Variants in ZBTB40 observed in about 807,000 individuals in gnomAD.
ZBTB40 encodes zinc finger and BTB domain containing 40, also known as zinc finger and BTB domain-containing protein 40.
Under a neutral mutation model 117.5 loss-of-function variants are expected in ZBTB40, and 60 were observed. The ratio of observed to expected loss-of-function variants is 0.51; its 90% confidence interval spans 0.41 to 0.63. ZBTB40 has a LOEUF of 0.63. Ranked by LOEUF, ZBTB40 falls within the 30% of genes least tolerant of loss-of-function variation. ZBTB40 has a pLI of 0.00. For missense variants in ZBTB40, 1,287 were observed against 1,498.5 expected, an observed-to-expected ratio of 0.86 and a Z score of 2.33; for synonymous variants, 525 against 577.1, an observed-to-expected ratio of 0.91 and a Z score of 1.29.
Position 22,451,882 on chromosome 1 carries a change from C to G in ZBTB40, c.-192C>G, listed in dbSNP as rs1441368123. ...CATTGCGCGCCGGCCTCAAGATGGCCGCCTTCTGGCGTCTCCGGCGCTGTT... is the reference window on the plus strand; with the variant it reads ...CATTGCGCGCCGGCCTCAAGATGGCGGCCTTCTGGCGTCTCCGGCGCTGTT... On this transcript the variant is annotated 5_prime_UTR_variant, in exon 1 of 18. Transcript: ENST00000375647. 1 of 152,348 alleles carries G rather than the reference C, an allele frequency of 6.6e-6. No homozygotes were observed. Among genetic ancestry groups the G allele is most frequent in the Non-Finnish European group, 1.5e-5 (1 of 68,072 alleles). 9.4% of individuals were successfully genotyped at this position (152,348 alleles called of 1,614,324 possible).
chr1:22,526,418 C>G lies in ZBTB40; in HGVS notation c.*22C>G, dbSNP rs1261865904. On this transcript the variant is annotated 3_prime_UTR_variant, in exon 18 of 18. Transcript: ENST00000375647. Reference sequence around the variant, plus strand: ...ATGAGCAGCCTTTCATCCGGCAGAGCCTTCCTGCGTTTGCAGCAGAGAGGA... The same window carrying G: ...ATGAGCAGCCTTTCATCCGGCAGAGGCTTCCTGCGTTTGCAGCAGAGAGGA... 3.1e-6 allele frequency: 5 copies of G among 1,613,270 alleles called. No homozygotes were observed. Among genetic ancestry groups the G allele is most frequent in the Non-Finnish European group, 3.4e-6 (4 of 1,179,972 alleles).
intron 1 of ZBTB40, among the ~76,000 whole-genome samples, chr1:22,443,760 T>C (rs538604932): frequency 1.3e-5 from 2 of 152,314 alleles, no homozygotes; most frequent in East Asian, 3.9e-4. Context: ...TATTTTGGGG[T>C]AAAATACTTT....
At chr1:22,449,066 G>A (rs1295164630), upstream of ZBTB40, among the ~76,000 whole-genome samples, 3 of 151,904 alleles carry the variant, frequency 2.0e-5, no homozygotes, top group Non-Finnish European at 4.4e-5. Context: ...CGCCTGCCTC[G>A]GCCTCCCAAA....
At chr1:22,444,727 A>T (rs1309350620) in intron 1 of ZBTB40, among the ~76,000 whole-genome samples, 1 of 152,226 alleles carries the variant, frequency 6.6e-6, no homozygotes. Context: ...GCCCACCCCA[A>T]TGGAAGAATG....
chr1:22,490,609 AC>A lies in ZBTB40; in HGVS notation c.663del (p.Phe222LeufsTer20). On this transcript the variant is annotated frameshift_variant, in exon 2 of 18. Coordinates refer to ENST00000375647, the MANE Select transcript of ZBTB40 (RefSeq NM_014870.4). LOFTEE classifies it high-confidence loss of function. ...TTGTTCCCCCTCCCCTGCTGTGCAA[AC>A]CTTTAGTGAGGCAAAGAAGACAAGC... Reference protein sequence around the residue: ...EACSPSPAVQTFSEAKKTSTE... With the variant: ...EACSPSPAVQXFSEAKKTSTE... 1 of 1,613,866 alleles carries A rather than the reference AC, an allele frequency of 6.2e-7. No homozygotes were observed. The highest frequency in any genetic ancestry group is 8.5e-7 in the Non-Finnish European group (1 of 1,180,010).
intron 1 of ZBTB40, among the ~76,000 whole-genome samples, chr1:22,467,618 G>A (rs547052093): frequency 1.3e-5 from 2 of 152,010 alleles, no homozygotes; most frequent in African/African-American, 4.8e-5. Flanking sequence ...GGGATCACAG[G>A]TGGGCACCAC....
At chr1:22,497,165 T>C (rs750247070) in intron 3 of ZBTB40, among the ~76,000 whole-genome samples, 4 of 152,220 alleles carry the variant, frequency 2.6e-5, no homozygotes, top group African/African-American at 2.4e-5. Flanking sequence ...AGTGGATCTT[T>C]AACTAGAATA....
chr1:22,453,401 A>G (rs1021526797), intron 1 of ZBTB40, among the ~76,000 whole-genome samples: 1 of 152,218 alleles, frequency 6.6e-6, no homozygotes, highest in African/African-American at 2.4e-5. Context: ...GACGTTTCAA[A>G]TTCCTGGAAA....
intron 1 of ZBTB40, among the ~76,000 whole-genome samples, chr1:22,429,610 C>T (rs1451718308): frequency 6.6e-6 from 1 of 152,090 alleles, no homozygotes; most frequent in Non-Finnish European, 1.5e-5. Context: ...ACCGGGTTCC[C>T]AGTACCACAT....
chr1:22,509,346 T>C (rs1639168252), intron 9 of ZBTB40, 113 bp downstream of exon 9: 1 of 1,470,780 alleles, frequency 6.8e-7, no homozygotes. Context: ...TCCTTCTTTT[T>C]TTTTCCTTTT....
chr1:22,429,266 C>G (rs968435552), intron 1 of ZBTB40, among the ~76,000 whole-genome samples: 1 of 152,126 alleles, frequency 6.6e-6, no homozygotes, highest in African/African-American at 2.4e-5. Context: ...CCTGTAGTCC[C>G]AGCTACTCGG....
intron 6 of ZBTB40, 86 bp downstream of exon 6, chr1:22,506,327 G>A: frequency 7.6e-7 from 1 of 1,322,852 alleles, no homozygotes; most frequent in Non-Finnish European, 1.1e-6. Flanking sequence ...CCATGCTGGG[G>A]AGATAAGATT....
chr1:22,520,197 G>C lies in ZBTB40; in HGVS notation c.2970G>C (p.Pro990=). The C allele has an allele frequency of 6.2e-7, 1 of 1,614,068 alleles. No homozygotes were observed. The highest frequency in any genetic ancestry group is 8.5e-7 in the Non-Finnish European group (1 of 1,179,970). ...CPTCGKIFSA[P]SMLERHVVTH... ...CGTGTGGGAAGATCTTCAGTGCCCC[G>C]TCCATGCTGGAGCGGCACGTGGTGA... The change falls in exon 14 of 18, where the codon CCG becomes CCC. Residue 990 remains proline (P), a synonymous_variant. Coordinates refer to ENST00000375647, the MANE Select transcript of ZBTB40 (RefSeq NM_014870.4).
intron 1 of ZBTB40, among the ~76,000 whole-genome samples, chr1:22,477,618 C>G (rs1415110744): frequency 2.0e-5 from 3 of 146,908 alleles, no homozygotes; most frequent in African/African-American, 7.6e-5. Flanking sequence ...CACTGCACTC[C>G]AGCCTGGTCA....
At chr1:22,504,347 A>G (rs1639024544) in intron 5 of ZBTB40, among the ~76,000 whole-genome samples, 1 of 152,240 alleles carries the variant, frequency 6.6e-6, no homozygotes, top group African/African-American at 2.4e-5. Flanking sequence ...AAAAAAAGGT[A>G]ATTACTATAG....
intron 1 of ZBTB40, among the ~76,000 whole-genome samples, chr1:22,467,978 A>G (rs1214384629): frequency 2.6e-5 from 4 of 151,550 alleles, no homozygotes; most frequent in Non-Finnish European, 5.9e-5. Flanking sequence ...AGTCCTAGCT[A>G]CCTGAGAGGC....
chr1:22,452,341 C>T (rs1640898134), intron 1 of ZBTB40, among the ~76,000 whole-genome samples: 1 of 152,250 alleles, frequency 6.6e-6, no homozygotes, highest in Admixed American at 6.5e-5. Flanking sequence ...CACTCCCCCT[C>T]CCTTCAGGTC....
intron 1 of ZBTB40, among the ~76,000 whole-genome samples, chr1:22,446,591 C>T (rs1473989108): frequency 6.6e-6 from 1 of 151,796 alleles, no homozygotes; most frequent in Non-Finnish European, 1.5e-5. Context: ...CATGAAAGTT[C>T]TCCAGAAACC....
intron 1 of ZBTB40, among the ~76,000 whole-genome samples, chr1:22,435,015 T>G (rs1236127506): frequency 1.3e-5 from 2 of 151,996 alleles, no homozygotes; most frequent in African/African-American, 4.8e-5. Flanking sequence ...TTATCCTTCA[T>G]TAATTTTTTT....
Sources: gnomAD v4.1 joint callset for allele counts (sites outside exome capture counted in the v4.1 genomes callset) on GRCh38, gnomAD v4.1.1 for gene constraint, MANE v1.5 for transcripts, NCBI Gene and HGNC (gene_info 2026-07-23, HGNC 2026-07-21) for gene names.